Variants in ALK observed in about 807,000 individuals in gnomAD.
ALK encodes ALK tyrosine kinase receptor.
A neutral mutation model predicts 163.1 loss-of-function variants in ALK; 74 were observed. That is an observed-to-expected ratio of 0.45 (90% CI 0.38 to 0.55). The LOEUF (loss-of-function observed/expected upper bound fraction) is 0.55, where lower values mean the gene tolerates loss of function less well. Among genes scored for constraint, ALK ranks in the 20% least tolerant of loss-of-function variants. The pLI, the probability that ALK is intolerant of heterozygous loss-of-function variation, is 0.00. For synonymous variants in ALK, 960 were observed against 843.2 expected (o/e 1.14, Z -2.40); for missense variants, 2,063 against 2,105.3 (o/e 0.98, Z 0.39).
At chr2:29,895,364 C>A (rs926363963) in intron 1 of ALK, among the ~76,000 whole-genome samples, 1 of 152,158 alleles carries the variant, frequency 6.6e-6, no homozygotes, top group African/African-American at 2.4e-5. Context: ...TGAGAGTGAA[C>A]AAAGGTTAAA....
intron 1 of ALK, among the ~76,000 whole-genome samples, chr2:29,810,920 A>G (rs776663794): frequency 6.6e-6 from 1 of 152,116 alleles, no homozygotes; most frequent in African/African-American, 2.4e-5. Context: ...AAGAAAAGCC[A>G]TGTTAGGACA....
intron 3 of ALK, among the ~76,000 whole-genome samples, chr2:29,603,903 A>G (rs903932260): frequency 5.9e-5 from 9 of 152,146 alleles, no homozygotes; most frequent in African/African-American, 2.2e-4. Context: ...CAATTCTCCA[A>G]TTTAAACGAT....
At chr2:29,809,562 T>C (rs1001241733) in intron 1 of ALK, among the ~76,000 whole-genome samples, 2 of 152,196 alleles carry the variant, frequency 1.3e-5, no homozygotes, top group African/African-American at 4.8e-5. Flanking sequence ...GGTTTAAGGA[T>C]AGGAGGGGGG....
At chr2:29,445,583 G>C (rs191872082) in intron 4 of ALK, among the ~76,000 whole-genome samples, 14 of 151,978 alleles carry the variant, frequency 9.2e-5, no homozygotes, top group Admixed American at 4.6e-4. Flanking sequence ...GAGGCCGAGG[G>C]GGGTGGATCA....
At chr2:29,822,422 A>C (rs1042701278) in intron 1 of ALK, among the ~76,000 whole-genome samples, 1 of 152,228 alleles carries the variant, frequency 6.6e-6, no homozygotes, top group African/African-American at 2.4e-5. Flanking sequence ...TCATGTGGCC[A>C]AGTCTGAATT....
chr2:29,218,191 C>T (rs925456868), intron 23 of ALK, among the ~76,000 whole-genome samples: 18 of 152,154 alleles, frequency 1.2e-4, no homozygotes, highest in South Asian at 6.2e-4. Flanking sequence ...GTATGGGAGG[C>T]GGGGAGGACC....
At chr2:29,254,761 A>C (rs1278262772) in intron 11 of ALK, among the ~76,000 whole-genome samples, 1 of 152,216 alleles carries the variant, frequency 6.6e-6, no homozygotes, top group East Asian at 1.9e-4. Flanking sequence ...TACAGTTTAA[A>C]ACGTGTGTAA....
intron 3 of ALK, among the ~76,000 whole-genome samples, chr2:29,584,217 G>A (rs1435894370): frequency 1.3e-5 from 2 of 152,140 alleles, no homozygotes; most frequent in African/African-American, 4.8e-5. Context: ...GAAGGGCAAG[G>A]ATGCAGGGAG....
At chr2:29,309,898 C>T (rs1666651118) in intron 8 of ALK, among the ~76,000 whole-genome samples, 1 of 152,132 alleles carries the variant, frequency 6.6e-6, no homozygotes. Context: ...CAAGCAGTGG[C>T]TGAATTTATG....
At chr2:29,290,431 C>T (rs989166352) in intron 9 of ALK, among the ~76,000 whole-genome samples, 1 of 152,212 alleles carries the variant, frequency 6.6e-6, no homozygotes, top group East Asian at 1.9e-4. Context: ...GATGTCTGCT[C>T]CTCCTCATAG....
intron 9 of ALK, among the ~76,000 whole-genome samples, chr2:29,277,576 T>C (rs17007778): frequency 0.012 from 1,900 of 152,346 alleles, 33 homozygotes; most frequent in East Asian, 0.068. Flanking sequence ...AAAGAAGAAA[T>C]GCCCAAATCT....
At chr2:29,402,194 C>T (rs1669464134) in intron 4 of ALK, among the ~76,000 whole-genome samples, 1 of 152,248 alleles carries the variant, frequency 6.6e-6, no homozygotes, top group Non-Finnish European at 1.5e-5. Context: ...ACAGCCCGTG[C>T]CTGTTACACA....
chr2:29,569,707 C>G (rs114344819), intron 3 of ALK, among the ~76,000 whole-genome samples: 1 of 152,198 alleles, frequency 6.6e-6, no homozygotes, highest in Non-Finnish European at 1.5e-5. Context: ...GCTGATTCCA[C>G]CATCAACTGA....
At chr2:29,617,864 C>T (rs2148226504) in intron 3 of ALK, among the ~76,000 whole-genome samples, 1 of 152,338 alleles carries the variant, frequency 6.6e-6, no homozygotes, top group East Asian at 1.9e-4. Flanking sequence ...TCCTCTCTCC[C>T]AGGGATCAAC....
chr2:29,558,255 T>C (rs993917195), intron 3 of ALK, among the ~76,000 whole-genome samples: 2 of 152,200 alleles, frequency 1.3e-5, no homozygotes, highest in African/African-American at 4.8e-5. Context: ...ACCTGGCCAG[T>C]ACTGTTAGAA....
At chr2:29,318,161 C>G (rs1001762594) in intron 8 of ALK, 143 bp downstream of exon 8, 7 of 718,064 alleles carry the variant, frequency 9.7e-6, no homozygotes, top group African/African-American at 7.0e-5. Context: ...TGCTCTGCCT[C>G]GAAGATGGCA....
At chr2:29,207,052 A>G (rs1011876985) in intron 26 of ALK, 119 bp downstream of exon 26, 2 of 781,382 alleles carry the variant, frequency 2.6e-6, no homozygotes, top group Non-Finnish European at 4.6e-6. Flanking sequence ...GGGTGTATTG[A>G]TTCTTCTCTT....
intron 4 of ALK, among the ~76,000 whole-genome samples, chr2:29,452,460 T>C (rs947257030): frequency 6.6e-6 from 1 of 152,104 alleles, no homozygotes; most frequent in African/African-American, 2.4e-5. Flanking sequence ...ACTTTCTTTA[T>C]AACGCTTTCA....
chr2:29,852,230 A>T (rs1302200219), intron 1 of ALK, among the ~76,000 whole-genome samples: 1 of 152,192 alleles, frequency 6.6e-6, no homozygotes, highest in Non-Finnish European at 1.5e-5. Flanking sequence ...TAAAGCTTGC[A>T]ACTTCTTACA....
Sources: gnomAD v4.1 joint callset for allele counts (sites outside exome capture counted in the v4.1 genomes callset) on GRCh38, gnomAD v4.1.1 for gene constraint, MANE v1.5 for transcripts, NCBI Gene and HGNC (gene_info 2026-07-23, HGNC 2026-07-21) for gene names.